The following C4orf50 variants were observed in gnomAD, a reference collection of about 807,000 sequenced individuals.
C4orf50 encodes the protein chromosome 4 open reading frame 50, also known as uncharacterized protein C4orf50.
A neutral mutation model predicts 77.2 loss-of-function variants in C4orf50; 80 were observed. The ratio of observed to expected loss-of-function variants is 1.04; its 90% CI spans 0.87 to 1.25. C4orf50 has a LOEUF of 1.25. Ranked by LOEUF, C4orf50 falls within the 50% of genes most tolerant of loss-of-function variation. The pLI, the probability that C4orf50 is intolerant of heterozygous loss-of-function variation, is 0.00. For missense variants in C4orf50, 1,257 were observed against 1,152.9 expected (o/e 1.09, Z -1.31); for synonymous variants, 532 against 465.3 (o/e 1.14, Z -1.84).
chr4:5,925,547 G>A (rs10021602), intron 7 of C4orf50, among the ~76,000 whole-genome samples: 13,137 of 152,308 alleles, frequency 0.086, 585 homozygotes, highest in Non-Finnish European at 0.094. Context: ...CCCGGGAAAC[G>A]CAGAGAGGAG....
At position 6,008,592 on chromosome 4, in the gene C4orf50, T is replaced by C. The variant is rs1414015402; in HGVS notation, c.427-60A>G. 21 of 396,262 alleles carry C rather than the reference T, an allele frequency of 5.3e-5. No individual in the cohort carries two copies. The highest frequency in any genetic ancestry group is 3.5e-4 in the Admixed American group (8 of 22,630). The allele number at this position is 396,262 out of a possible 1,614,324, so 24.5% of individuals were successfully genotyped here. A position where few individuals can be genotyped will look rare whatever the true frequency, so the allele number is the denominator to read the frequency against. On this transcript the variant is annotated intron_variant, in intron 24 of 33. Coordinates refer to ENST00000531445, the Ensembl canonical transcript of C4orf50. This position sits in a 1 kb window ranked among gnomAD's most constrained non-coding sequence, Gnocchi z 6.0. ...CCCAAAGGACACACCATGGTTCACA[T>C]TGGTCCTGTCTTGACTTAACATTTC...
intron 25 of C4orf50, among the ~76,000 whole-genome samples, chr4:6,003,751 G>T (rs1305056520): frequency 4.3e-5 from 6 of 140,220 alleles, no homozygotes; most frequent in Non-Finnish European, 9.2e-5. Context: ...AGTGGTGATG[G>T]TGATGATGTG....
At position 5,970,672 on chromosome 4, in the gene C4orf50, T is replaced by C. The variant is rs1719857687; in HGVS notation, c.4104+2987A>G. Among the ~76,000 whole-genome samples the C allele has an allele frequency of 6.6e-6, 1 of 152,086 alleles. No homozygotes were observed. Among genetic ancestry groups the C allele is most frequent in the Non-Finnish European group, 1.5e-5 (1 of 68,018 alleles). ...CCAGGACAAGAAAAGAAAATGGAAA[T>C]ACAAAGACTCAGTCACGTGCAGGGA... On this transcript the variant is annotated intron_variant, in intron 31 of 33. Coordinates refer to ENST00000531445, the Ensembl canonical transcript of C4orf50. The surrounding 1 kb of genome is among the most constrained non-coding windows in gnomAD (Gnocchi z 4.3).
At chr4:5,899,848 A>G (rs1716271208) in intron 7 of C4orf50, 1 of 152,230 alleles carries the variant, frequency 6.6e-6, no homozygotes, top group Admixed American at 6.5e-5. Context: ...CAGTGTTTTA[A>G]AAAGCTCTGC....
At chr4:5,963,934 C>G (rs1377254226) in intron 33 of C4orf50, among the ~76,000 whole-genome samples, 1 of 152,184 alleles carries the variant, frequency 6.6e-6, no homozygotes, top group East Asian at 1.9e-4. Flanking sequence ...AGTAAGTTTT[C>G]TCTGGGAAGA....
chr4:5,959,564 T>C (rs1719159254), exon 34 of C4orf50: 1 of 1,614,004 alleles, frequency 6.2e-7, no homozygotes, highest in Admixed American at 1.7e-5. Context: ...GGAGACCTGG[T>C]TCCACAGTGA....
chr4:5,995,312 T>A (rs1470388553), intron 25 of C4orf50, among the ~76,000 whole-genome samples: 3 of 152,142 alleles, frequency 2.0e-5, no homozygotes, highest in African/African-American at 7.2e-5. Flanking sequence ...GTCCTTCAAC[T>A]GTCAATAAGC....
intron 7 of C4orf50, among the ~76,000 whole-genome samples, chr4:5,925,747 C>G (rs1197133984): frequency 6.6e-6 from 1 of 152,254 alleles, no homozygotes; most frequent in Non-Finnish European, 1.5e-5. Flanking sequence ...AGATAAACAC[C>G]TACACCAGGG....
chr4:5,959,247 C>T (rs909856583), exon 34 of C4orf50: 54 of 1,138,270 alleles, frequency 4.7e-5, no homozygotes, highest in African/African-American at 1.1e-4. Flanking sequence ...ATCCCAAAGC[C>T]GAAGGCAAAA....
intron 28 of C4orf50, among the ~76,000 whole-genome samples, chr4:5,984,611 G>C (rs926125865): frequency 8.6e-5 from 13 of 152,012 alleles, no homozygotes; most frequent in African/African-American, 2.9e-4. Flanking sequence ...ACAGAAGGTG[G>C]GACATGGTAG....
rs766021258 is a variant in C4orf50, at chr4:5,967,398, C to G, written c.4153+16G>C. 2.5e-6 allele frequency: 4 copies of G among 1,610,610 alleles called. No homozygotes were observed. The highest frequency in any genetic ancestry group is 3.4e-6 in the Non-Finnish European group (4 of 1,176,910). Reference sequence around the variant, plus strand: ...TCTGAGCACACAGGCTTTTCCTGATCAAAAATCACACTGACCTCTTAAAGC... The same window carrying G: ...TCTGAGCACACAGGCTTTTCCTGATGAAAAATCACACTGACCTCTTAAAGC... On this transcript the variant is annotated intron_variant, in intron 32 of 33. Coordinates refer to ENST00000531445, the Ensembl canonical transcript of C4orf50.
At chr4:6,012,469 C>A (rs992194207) in intron 23 of C4orf50, among the ~76,000 whole-genome samples, 1 of 152,172 alleles carries the variant, frequency 6.6e-6, no homozygotes, top group African/African-American at 2.4e-5. Context: ...TCTGCTGTCT[C>A]CCGTTTTAGC....
rs1324392371 is a variant in C4orf50, at chr4:6,000,384, A to G, written c.964-5908T>C. 6.6e-6 allele frequency among the ~76,000 whole-genome samples: 1 copy of G among 152,056 alleles called. No individual in the cohort carries two copies. The highest frequency in any genetic ancestry group is 1.5e-5 in the Non-Finnish European group (1 of 68,024). ...AATTCCAGGCTGCATTCAACCTGAG[A>G]GCTGGTGGCTGGCTAGCTCTTCACA... On this transcript the variant is annotated intron_variant, in intron 25 of 33. Coordinates refer to ENST00000531445, the Ensembl canonical transcript of C4orf50. This position sits in a 1 kb window ranked among gnomAD's most constrained non-coding sequence, Gnocchi z 6.0.
At position 5,970,901 on chromosome 4, in the gene C4orf50, G is replaced by A. The variant is rs1299087094; in HGVS notation, c.4104+2758C>T. ...GTAAGCAGATCCATGGAGAGCGTGC[G>A]AGGGGGAGGGCAGCATGAGTCTTGG... On this transcript the variant is annotated intron_variant, in intron 31 of 33. Coordinates refer to ENST00000531445, the Ensembl canonical transcript of C4orf50. This position sits in a 1 kb window ranked among gnomAD's most constrained non-coding sequence, Gnocchi z 4.3. Among the ~76,000 whole-genome samples, 7 of 152,284 alleles carry A rather than the reference G, an allele frequency of 4.6e-5. No homozygotes were observed. The highest frequency in any genetic ancestry group is 4.1e-4 in the South Asian group (2 of 4,822).
chr4:5,935,803 A>G (rs1403013708), intron 7 of C4orf50, among the ~76,000 whole-genome samples: 2 of 148,000 alleles, frequency 1.4e-5, no homozygotes, highest in Admixed American at 1.3e-4. Context: ...AAAAAAAAAA[A>G]AAAAAAAGCC....
chr4:6,001,884 T>C (rs1721845374), intron 25 of C4orf50, among the ~76,000 whole-genome samples: 1 of 152,202 alleles, frequency 6.6e-6, no homozygotes, highest in Non-Finnish European at 1.5e-5. Flanking sequence ...GCCCCAGCCC[T>C]GCCCTTGGGA....
rs1717800183 is a variant in C4orf50, at chr4:5,932,246, T to C, written c.*2474+24655A>G. On this transcript the variant is annotated intron_variant, in intron 7 of 7. Transcript: ENST00000324058. This position sits in a 1 kb window ranked among gnomAD's most constrained non-coding sequence, Gnocchi z 4.2. ...CCACAGAGCAGAAGCGTGTCGCATT[T>C]CTACTCTGGCACACTCTTTCCTTGG... Among the ~76,000 whole-genome samples, 1 of 151,400 alleles carries C rather than the reference T, an allele frequency of 6.6e-6. No homozygotes were observed. The highest frequency in any genetic ancestry group is 1.5e-5 in the Non-Finnish European group (1 of 67,844).
chr4:5,973,045 G>C (rs1720024798), intron 31 of C4orf50, among the ~76,000 whole-genome samples: 1 of 152,336 alleles, frequency 6.6e-6, no homozygotes, highest in South Asian at 2.1e-4. Flanking sequence ...CATTCTTCCA[G>C]GTTTGTGGCA....
At chr4:6,014,670 G>A (rs1446525710) in intron 23 of C4orf50, among the ~76,000 whole-genome samples, 1 of 152,116 alleles carries the variant, frequency 6.6e-6, no homozygotes, top group Non-Finnish European at 1.5e-5. Flanking sequence ...TAGCAGCCCT[G>A]GATCACTTAG....
Sources: gnomAD v4.1 joint callset for allele counts (sites outside exome capture counted in the v4.1 genomes callset) on GRCh38, gnomAD v4.1.1 for gene constraint, Gnocchi (gnomAD v3.1) non-coding constraint, MANE v1.5 for transcripts, NCBI Gene and HGNC (gene_info 2026-07-23, HGNC 2026-07-21) for gene names.